MED23: variants seen among roughly 807,000 people sequenced by gnomAD.
The protein encoded by MED23 is mediator of RNA polymerase II transcription subunit 23.
Under a neutral mutation model 163.9 loss-of-function variants are expected in MED23, and 105 were observed. That is an observed-to-expected ratio of 0.64 (90% confidence interval 0.55 to 0.75). The LOEUF (loss-of-function observed/expected upper bound fraction) is 0.75, where lower values mean the gene tolerates loss of function less well. Among genes scored for constraint, MED23 ranks in the 30% least tolerant of loss-of-function variants. MED23 has a pLI of 0.00. For synonymous variants in MED23, 561 were observed against 565.6 expected, an observed-to-expected ratio of 0.99 and a Z score of 0.12; for missense variants, 1,054 against 1,649.0, an observed-to-expected ratio of 0.64 and a Z score of 6.25.
intron 10 of MED23, chr6:131,615,235 C>A (rs1776588203): frequency 6.7e-7 from 1 of 1,484,722 alleles, no homozygotes; most frequent in Admixed American, 1.7e-5. Context: ...CAAGCCCCGA[C>A]CATACACGTA....
In MED23 at chr6:131,624,951, A is replaced by G. The variant is rs1378988964; in HGVS notation, c.198T>C (p.Phe66=). 3 of 1,613,836 alleles carry G rather than the reference A, an allele frequency of 1.9e-6. No individual in the cohort carries two copies. Among genetic ancestry groups the G allele is most frequent in the Middle Eastern group, 1.6e-4 (1 of 6,062 alleles). ...HEQCIQWIVK[F]IHGQHSPKRI... is the part of the protein sequence containing the mutation. ...TTTTAGGACTATGCTGACCATGAAT[A>G]AACTTAACAATCCACTGGATACACT... Residue 66 remains phenylalanine, a synonymous_variant, in exon 4 of 29, where the codon TTT becomes TTC. Coordinates refer to ENST00000368068, the MANE Select transcript of MED23 (RefSeq NM_004830.4).
At chr6:131,610,011 G>A (rs1334862721) in intron 11 of MED23, 35 bp downstream of exon 11, 2 of 1,584,376 alleles carry the variant, frequency 1.3e-6, no homozygotes, top group Non-Finnish European at 1.7e-6. Context: ...TAATCAACAG[G>A]TGAAGTCACT....
intron 22 of MED23, 34 bp downstream of exon 22, chr6:131,595,913 G>T (rs772183882): frequency 2.0e-6 from 3 of 1,485,836 alleles, no homozygotes; most frequent in African/African-American, 2.8e-5. Flanking sequence ...GATAATGGAG[G>T]TATTAGACGA....
rs145344967 is a variant in MED23 at position 131,574,118 on chromosome 6, C to A, written c.*175G>T. Reference sequence around the variant, plus strand: ...TAGTAAAGAGAGTGTGATGACAGAACACCTTAGACTTCAACACGCATCTGT... The same window carrying A: ...TAGTAAAGAGAGTGTGATGACAGAAAACCTTAGACTTCAACACGCATCTGT... On this transcript the variant is annotated 3_prime_UTR_variant, in exon 31 of 31. Coordinates refer to the MED23 transcript ENST00000354577. The A allele has an allele frequency of 2.5e-5, 19 of 764,228 alleles. No homozygotes were observed. In the South Asian group the frequency reaches 2.9e-4, roughly 11 times the overall value. 47.3% of individuals were successfully genotyped at this position (764,228 alleles called of 1,614,324 possible).
At chr6:131,590,287 T>G (rs758226857) in intron 27 of MED23, 35 bp downstream of exon 27, 6 of 1,589,608 alleles carry the variant, frequency 3.8e-6, no homozygotes, top group Non-Finnish European at 5.2e-6. Context: ...CTTCAGAATT[T>G]AATCATGTCA....
chr6:131,615,090 A>G (rs1350454522), intron 10 of MED23, among the ~76,000 whole-genome samples: 3 of 150,758 alleles, frequency 2.0e-5, no homozygotes, highest in Non-Finnish European at 4.4e-5. Context: ...AAAAAAGAAA[A>G]AAAAAGAAAA....
downstream of MED23, chr6:131,583,772 T>C: frequency 1.9e-6 from 3 of 1,614,086 alleles, no homozygotes; most frequent in South Asian, 3.3e-5. Flanking sequence ...ATAATGGAAG[T>C]GAACCCATCC....
chr6:131,576,693 G>A (rs1773629705), intron 30 of MED23: 4 of 1,614,112 alleles, frequency 2.5e-6, no homozygotes, highest in Non-Finnish European at 3.4e-6. Context: ...AGGCCCTACA[G>A]TATTGAGAAA....
intron 14 of MED23, 66 bp from the exon 15 acceptor site, chr6:131,604,386 A>G (rs1204324890): frequency 6.7e-7 from 1 of 1,487,460 alleles, no homozygotes; most frequent in Non-Finnish European, 9.3e-7. Flanking sequence ...GGGCTACTCT[A>G]CTTAGAAGTA....
In MED23 at chr6:131,586,842, A is replaced by T; in HGVS notation, c.*837T>A. On this transcript the variant is annotated 3_prime_UTR_variant, in exon 29 of 29. Coordinates refer to ENST00000368068, the MANE Select transcript of MED23 (RefSeq NM_004830.4). ...TAACAATGTCTCTCAAAATCCAAGA[A>T]ATAAAATGTGTACTGTATTTACAAA... 1.4e-5 allele frequency: 21 copies of T among 1,508,734 alleles called. No individual in the cohort carries two copies. Among genetic ancestry groups the T allele is most frequent in the Non-Finnish European group, 1.9e-5 (21 of 1,113,200 alleles). 93.5% of individuals were successfully genotyped at this position (1,508,734 alleles called of 1,614,324 possible).
At chr6:131,607,409 T>TTGGCA in intron 12 of MED23, among the ~76,000 whole-genome samples, 1 of 152,002 alleles carries the variant, frequency 6.6e-6, no homozygotes. Flanking sequence ...GTCGGGCATG[T>TTGGCA]TGGCATGTGC....
chr6:131,622,410 T>G (rs545736958), intron 5 of MED23, among the ~76,000 whole-genome samples: 1 of 152,314 alleles, frequency 6.6e-6, no homozygotes, highest in Admixed American at 6.5e-5. Flanking sequence ...TGTAAGCCAC[T>G]GTGACTGGCC....
intron 24 of MED23, 54 bp downstream of exon 24, chr6:131,592,952 C>G: frequency 6.3e-7 from 1 of 1,588,808 alleles, no homozygotes; most frequent in Non-Finnish European, 8.6e-7. Context: ...AAATAGAATA[C>G]CATTCTATTT....
intron 30 of MED23, among the ~76,000 whole-genome samples, chr6:131,577,859 G>A (rs1683367333): frequency 6.7e-6 from 1 of 149,704 alleles, no homozygotes; most frequent in African/African-American, 2.5e-5. Flanking sequence ...AGCTGAGATT[G>A]CGCCACTGCA....
At chr6:131,591,274 A>G (rs1486326186) in intron 26 of MED23, 39 bp downstream of exon 26, 1 of 1,512,174 alleles carries the variant, frequency 6.6e-7, no homozygotes, top group African/African-American at 1.4e-5. Context: ...CACCGCACCC[A>G]GCCTACGTCA....
At chr6:131,626,392 A>G (rs1777504278) in intron 3 of MED23, among the ~76,000 whole-genome samples, 1 of 152,058 alleles carries the variant, frequency 6.6e-6, no homozygotes, top group African/African-American at 2.4e-5. Context: ...CAGCCATACA[A>G]TGGAATATTA....
At chr6:131,597,819 C>T (rs1254592775) in intron 20 of MED23, among the ~76,000 whole-genome samples, 1 of 152,156 alleles carries the variant, frequency 6.6e-6, no homozygotes, top group Non-Finnish European at 1.5e-5. Context: ...GAAGCAGTAG[C>T]TCACGCCTGT....
downstream of MED23, among the ~76,000 whole-genome samples, chr6:131,585,747 G>A (rs1774153205): frequency 6.6e-6 from 1 of 152,092 alleles, no homozygotes; most frequent in Non-Finnish European, 1.5e-5. Flanking sequence ...TAAACATAAA[G>A]GCATTTTTTT....
chr6:131,617,833 G>A (rs978161075), intron 9 of MED23, among the ~76,000 whole-genome samples: 4 of 152,174 alleles, frequency 2.6e-5, no homozygotes, highest in Non-Finnish European at 5.9e-5. Context: ...CAAAATTTCA[G>A]TGATTTGAAA....
Sources: gnomAD v4.1 joint callset for allele counts (sites outside exome capture counted in the v4.1 genomes callset) on GRCh38, gnomAD v4.1.1 for gene constraint, MANE v1.5 for transcripts, NCBI Gene and HGNC (gene_info 2026-07-23, HGNC 2026-07-21) for gene names.